The following FBXO36 variants were observed in gnomAD, a reference collection of about 807,000 sequenced individuals.
The protein encoded by FBXO36 is F-box protein 36.
Under a neutral mutation model 17.0 loss-of-function variants are expected in FBXO36, and 18 were observed. The ratio of observed to expected loss-of-function variants is 1.06; its 90% CI spans 0.73 to 1.57. The LOEUF (loss-of-function observed/expected upper bound fraction) is 1.57. Among genes scored for constraint, FBXO36 ranks in the 40% most tolerant of loss-of-function variants. The pLI, the probability that FBXO36 is intolerant of heterozygous loss-of-function variation, is 0.00. For synonymous variants in FBXO36, 83 were observed against 85.3 expected (o/e 0.97, Z 0.15); for missense variants, 229 against 221.9 (o/e 1.03, Z -0.20).
chr2:229,983,036 G>T (rs768904201), intron 2 of FBXO36, among the ~76,000 whole-genome samples: 2 of 151,576 alleles, frequency 1.3e-5, no homozygotes, highest in Non-Finnish European at 2.9e-5. Context: ...AGGCTGGAGT[G>T]CAGTAGTGCA....
intron 2 of FBXO36, 56 bp downstream of exon 2, chr2:229,976,405 AT>A: frequency 8.3e-7 from 1 of 1,207,302 alleles, no homozygotes; most frequent in South Asian, 1.3e-5. Flanking sequence ...TTAGTGGTAG[AT>A]TTTGTTAAAG....
At chr2:229,976,386 T>A (rs201851337) in intron 2 of FBXO36, 37 bp downstream of exon 2, 1 of 1,379,988 alleles carries the variant, frequency 7.2e-7, no homozygotes, top group East Asian at 2.3e-5. Context: ...CCTGTTAAGT[T>A]CTCATTAGTT....
chr2:229,955,350 C>T (rs2077081610), intron 1 of FBXO36, among the ~76,000 whole-genome samples: 1 of 151,866 alleles, frequency 6.6e-6, no homozygotes, highest in Admixed American at 6.6e-5. Context: ...ATGGCAAAAC[C>T]CTATCTCTAT....
intron 2 of FBXO36, among the ~76,000 whole-genome samples, chr2:229,981,006 T>C (rs771865317): frequency 2.0e-5 from 3 of 152,158 alleles, no homozygotes; most frequent in Non-Finnish European, 4.4e-5. Context: ...GGAAGTCCTC[T>C]GTCTTCAGAG....
intron 1 of FBXO36, among the ~76,000 whole-genome samples, chr2:229,924,604 T>C (rs1037002108): frequency 1.3e-5 from 2 of 152,204 alleles, no homozygotes; most frequent in Non-Finnish European, 2.9e-5. Flanking sequence ...ATTTCTCTCA[T>C]TTGTAAGCCT....
intron 1 of FBXO36, among the ~76,000 whole-genome samples, chr2:229,943,812 TC>T (rs906837583): frequency 6.6e-6 from 1 of 152,172 alleles, no homozygotes; most frequent in Non-Finnish European, 1.5e-5. Flanking sequence ...ATGAGATTCT[TC>T]CCCCAAATAT....
intron 2 of FBXO36, among the ~76,000 whole-genome samples, chr2:229,977,526 C>T (rs1442393024): frequency 6.6e-6 from 1 of 152,174 alleles, no homozygotes; most frequent in Non-Finnish European, 1.5e-5. Context: ...TTTCAGCTCA[C>T]TGCAACCTCT....
chr2:230,008,109 G>A lies in FBXO36; in HGVS notation c.379-2587G>A, dbSNP rs1577367767. ...GGACTCTAGAAGGCTGGAAGCTTGC[G>A]GGAGGAGATCTCCTAGCATCACTGC... On this transcript the variant is annotated intron_variant, in intron 3 of 3. Coordinates refer to ENST00000283946, the MANE Select transcript of FBXO36 (RefSeq NM_174899.5). 5.9e-5 allele frequency among the ~76,000 whole-genome samples: 9 copies of A among 152,268 alleles called. No individual in the cohort carries two copies. In the South Asian group the frequency reaches 1.0e-3, roughly 18 times the overall value.
At chr2:229,980,804 A>G (rs2077235280) in intron 2 of FBXO36, among the ~76,000 whole-genome samples, 1 of 152,040 alleles carries the variant, frequency 6.6e-6, no homozygotes, top group South Asian at 2.1e-4. Flanking sequence ...GGCATGTACT[A>G]ACCAGGCTTT....
chr2:229,937,172 T>C (rs2076968349), intron 1 of FBXO36, among the ~76,000 whole-genome samples: 1 of 152,082 alleles, frequency 6.6e-6, no homozygotes, highest in Admixed American at 6.6e-5. Flanking sequence ...CGTTGGAATA[T>C]AGTGCGGCAA....
intron 1 of FBXO36, among the ~76,000 whole-genome samples, chr2:229,967,024 C>T (rs1157188168): frequency 2.0e-5 from 3 of 152,128 alleles, no homozygotes; most frequent in Non-Finnish European, 4.4e-5. Flanking sequence ...GAATGTTCTT[C>T]CATTTGTTGG....
At chr2:229,953,262 C>A (rs909732634) in intron 1 of FBXO36, among the ~76,000 whole-genome samples, 2 of 152,050 alleles carry the variant, frequency 1.3e-5, no homozygotes, top group Non-Finnish European at 2.9e-5. Flanking sequence ...TTGCTTGAAC[C>A]CGGGAGGCGG....
intron 1 of FBXO36, among the ~76,000 whole-genome samples, chr2:229,953,264 G>A (rs1299301869): frequency 5.3e-5 from 8 of 152,054 alleles, no homozygotes; most frequent in African/African-American, 2.4e-5. Context: ...GCTTGAACCC[G>A]GGAGGCGGAG....
chr2:229,954,553 T>C (rs1302651005), intron 1 of FBXO36, among the ~76,000 whole-genome samples: 3 of 135,532 alleles, frequency 2.2e-5, no homozygotes, highest in African/African-American at 8.2e-5. Context: ...TTTTTTTTTT[T>C]TTTTTTTTTT....
intron 1 of FBXO36, among the ~76,000 whole-genome samples, chr2:229,974,648 T>C (rs1164297082): frequency 1.3e-5 from 2 of 152,204 alleles, no homozygotes; most frequent in African/African-American, 4.8e-5. Flanking sequence ...TCTCCATTTT[T>C]TCCGGAATCC....
intron 2 of FBXO36, among the ~76,000 whole-genome samples, chr2:229,986,698 C>A (rs1324009211): frequency 6.6e-6 from 1 of 151,338 alleles, no homozygotes; most frequent in Non-Finnish European, 1.5e-5. Flanking sequence ...CCATGCCCAG[C>A]TAATTTTTGT....
chr2:229,977,048 C>A (rs2077212208), intron 2 of FBXO36: 1 of 152,102 alleles, frequency 6.6e-6, no homozygotes. Flanking sequence ...GGTTAGTTGG[C>A]AGTTTCTGAC....
rs541362678 is a variant in FBXO36, at chr2:229,978,898, C to T, written c.205+2549C>T. ...CTTTAAAAAATTCCATTATTTAGGCCGAGCACAGTGGCTCATGCCTGTAAT... is the reference window on the plus strand; with the variant it reads ...CTTTAAAAAATTCCATTATTTAGGCTGAGCACAGTGGCTCATGCCTGTAAT... On this transcript the variant is annotated intron_variant, in intron 2 of 3. Transcript: ENST00000283946. Among the ~76,000 whole-genome samples, 207 of 152,066 alleles carry T rather than the reference C, an allele frequency of 1.4e-3. 1 individual carries two copies. The highest frequency in any genetic ancestry group is 3.7e-3 in the South Asian group (18 of 4,820).
intron 1 of FBXO36, among the ~76,000 whole-genome samples, chr2:229,952,763 AGAGGGTACCAG>A (rs2077063765): frequency 6.6e-6 from 1 of 152,168 alleles, no homozygotes; most frequent in Non-Finnish European, 1.5e-5. Flanking sequence ...AGTGTTGCCA[AGAGGGTACCAG>A]GAGGAGAATC....
Sources: gnomAD v4.1 joint callset for allele counts (sites outside exome capture counted in the v4.1 genomes callset) on GRCh38, gnomAD v4.1.1 for gene constraint, MANE v1.5 for transcripts, NCBI Gene and HGNC (gene_info 2026-07-23, HGNC 2026-07-21) for gene names.